The following CERS5 variants were observed in gnomAD, a reference collection of about 807,000 sequenced individuals.
CERS5 encodes the protein ceramide synthase 5.
A neutral mutation model predicts 58.9 loss-of-function variants in CERS5; 37 were observed. That is an observed-to-expected ratio of 0.63 (90% CI 0.48 to 0.83). CERS5 has a LOEUF of 0.83. CERS5 is among the 40% of genes least tolerant of loss of function. The pLI is 0.00. For missense variants in CERS5, 398 were observed against 489.3 expected, an observed-to-expected ratio of 0.81 and a Z score of 1.76; for synonymous variants, 147 against 177.8, an observed-to-expected ratio of 0.83 and a Z score of 1.38.
intron 1 of CERS5, among the ~76,000 whole-genome samples, chr12:50,145,631 C>T (rs1427084071): frequency 6.6e-6 from 1 of 151,962 alleles, no homozygotes; most frequent in Non-Finnish European, 1.5e-5. Context: ...ATAAATTTAG[C>T]CACATCTGTA....
Position 50,144,067 on chromosome 12 carries a change from A to T in CERS5, c.198-10T>A. Reference sequence around the variant, plus strand: ...GGGTTTGGCAATAAATCTGTAATGGAGAAAACCCACGGGCCAATTCTTTTT... The same window carrying T: ...GGGTTTGGCAATAAATCTGTAATGGTGAAAACCCACGGGCCAATTCTTTTT... On this transcript the variant is annotated splice_polypyrimidine_tract_variant and intron_variant, in intron 1 of 9. Coordinates refer to ENST00000317551, the MANE Select transcript of CERS5 (RefSeq NM_147190.5). 1 of 1,532,912 alleles carries T rather than the reference A, an allele frequency of 6.5e-7. No individual in the cohort carries two copies. Among genetic ancestry groups the T allele is most frequent in the East Asian group, 2.3e-5 (1 of 44,404 alleles). 95.0% of individuals were successfully genotyped at this position (1,532,912 alleles called of 1,614,324 possible).
chr12:50,138,315 T>TG (rs1565774541), intron 5 of CERS5, among the ~76,000 whole-genome samples: 1 of 151,340 alleles, frequency 6.6e-6, no homozygotes, highest in Non-Finnish European at 1.5e-5. Context: ...GGGAATTAAA[T>TG]GGGGAAAATC....
rs754705259 is a variant in CERS5 at position 50,142,103 on chromosome 12, A to C, written c.442T>G (p.Phe148Val). ...CAGAATATACATAAATAAAATGTGAATCTCCACCTGGGTGGGCAAAGAGTA... is the reference window on the plus strand; with the variant it reads ...CAGAATATACATAAATAAAATGTGACTCTCCACCTGGGTGGGCAAAGAGTA... ...LTKFCESMWR[F>V]TFYLCIFCYG... Residue 148 changes from phenylalanine to valine, a missense_variant, in exon 4 of 10, where the codon TTC (phenylalanine) becomes GTC (valine). Phe to Val is a conservative substitution (Grantham distance 50). This residue lies in a region of CERS5 where 328 missense variants were observed against 384.5 expected (regional missense o/e 0.85). Coordinates refer to ENST00000317551, the MANE Select transcript of CERS5 (RefSeq NM_147190.5). 6.9e-6 allele frequency: 11 copies of C among 1,603,868 alleles called. No homozygotes were observed. The highest frequency in any genetic ancestry group is 1.1e-5 in the South Asian group (1 of 90,440).
At chr12:50,156,885 T>TC (rs934466196) in intron 1 of CERS5, among the ~76,000 whole-genome samples, 5 of 152,178 alleles carry the variant, frequency 3.3e-5, no homozygotes, top group African/African-American at 1.2e-4. Flanking sequence ...GCCACTGAAT[T>TC]CCAGCCTGGG....
intron 4 of CERS5, among the ~76,000 whole-genome samples, chr12:50,139,717 C>G (rs538209121): frequency 3.3e-5 from 5 of 151,906 alleles, no homozygotes; most frequent in Non-Finnish European, 7.4e-5. Flanking sequence ...CACTTGAACC[C>G]AGGAGGCAGA....
At chr12:50,165,683 A>G (rs945031008) in intron 1 of CERS5, 10 of 211,586 alleles carry the variant, frequency 4.7e-5, no homozygotes, top group Non-Finnish European at 9.7e-5. Context: ...GCAATCCCAA[A>G]CAGATGCTAT....
chr12:50,154,816 C>T (rs1292410667), intron 1 of CERS5, among the ~76,000 whole-genome samples: 1 of 152,026 alleles, frequency 6.6e-6, no homozygotes, highest in Non-Finnish European at 1.5e-5. Flanking sequence ...AAGTGTGAAC[C>T]CCTGCACCTG....
chr12:50,138,559 G>C lies in CERS5; in HGVS notation c.543+8C>G, dbSNP rs1951809665. ...AAGACCCCTATCCTGAAACGACTCAGATCCTACCTGAAATGGATAGTTATG... is the reference window on the plus strand; with the variant it reads ...AAGACCCCTATCCTGAAACGACTCACATCCTACCTGAAATGGATAGTTATG... On this transcript the variant is annotated splice_region_variant and intron_variant, in intron 5 of 9. Coordinates refer to ENST00000317551, the MANE Select transcript of CERS5 (RefSeq NM_147190.5). The C allele has an allele frequency of 1.2e-6, 2 of 1,613,072 alleles. No individual in the cohort carries two copies. The highest frequency in any genetic ancestry group is 2.2e-5 in the East Asian group (1 of 44,878).
intron 1 of CERS5, among the ~76,000 whole-genome samples, chr12:50,150,386 A>T (rs936676430): frequency 4.6e-5 from 7 of 152,144 alleles, no homozygotes; most frequent in Non-Finnish European, 8.8e-5. Flanking sequence ...TGAAATAAAA[A>T]AAAGTTTGGG....
chr12:50,142,025 C>A (rs763296862), intron 4 of CERS5, 28 bp downstream of exon 4: 41 of 1,386,098 alleles, frequency 3.0e-5, no homozygotes, highest in Non-Finnish European at 3.9e-5. Context: ...TAGAACCCAA[C>A]AGAGGACTAG....
At chr12:50,156,025 G>C (rs1174234481) in intron 1 of CERS5, among the ~76,000 whole-genome samples, 1 of 149,322 alleles carries the variant, frequency 6.7e-6, no homozygotes, top group Non-Finnish European at 1.5e-5. Context: ...GCTTAAACCT[G>C]GGAAGCAGAG....
In CERS5 at chr12:50,138,593, G is replaced by A. The variant is rs775661286; in HGVS notation, c.517C>T (p.Gln173Ter). 4 of 1,613,604 alleles carry A rather than the reference G, an allele frequency of 2.5e-6. No homozygotes were observed. The African/African-American group carries it at 4.0e-5, about 16-fold the overall frequency. The part of the protein sequence containing the change: ...WSSPWFWDIR[Q>*]CWHNYPFQPL... The stretch of plus-strand genomic sequence containing the variant: ...TGAAATGGATAGTTATGCCAGCACT[G>A]TCGGATGTCCCAGAACCAAGGTGAC... The change falls in exon 5 of 10, where the codon CAG (glutamine) becomes TAG (stop). Residue 173 changes from glutamine to a stop codon, truncating the protein, a stop_gained. Transcript: ENST00000317551. LOFTEE classifies it high-confidence loss of function.
chr12:50,137,827 G>C lies in CERS5; in HGVS notation c.544-7C>G. The C allele has an allele frequency of 6.3e-7, 1 of 1,575,714 alleles. No individual in the cohort carries two copies. Among genetic ancestry groups the C allele is most frequent in the Non-Finnish European group, 8.7e-7 (1 of 1,146,578 alleles). ...AAAGCCCACTTGAAAGAGGCTGGAAGAGAGAAAGAAGTAGTTAGATTACCG... is the reference window on the plus strand; with the variant it reads ...AAAGCCCACTTGAAAGAGGCTGGAACAGAGAAAGAAGTAGTTAGATTACCG... On this transcript the variant is annotated splice_region_variant and splice_polypyrimidine_tract_variant and intron_variant, in intron 5 of 9. Transcript: ENST00000317551.
intron 4 of CERS5, among the ~76,000 whole-genome samples, 161 bp downstream of exon 4, chr12:50,141,892 A>G (rs1000181253): frequency 6.9e-6 from 1 of 144,000 alleles, no homozygotes; most frequent in African/African-American, 2.6e-5. Context: ...GTGAGCTGAG[A>G]TTCCACAACT....
Position 50,143,138 on chromosome 12 carries a change from A to G in CERS5, c.370T>C (p.Cys124Arg), listed in dbSNP as rs1381146753. Residue 124 changes from cysteine to arginine, a missense_variant, in exon 3 of 10, where the codon TGC becomes CGC. Cys to Arg is a radical substitution (Grantham distance 180). Around this residue, in one of 3 missense-constraint regions of CERS5, gnomAD observed 328 missense variants for 384.5 expected, o/e 0.85. Coordinates refer to ENST00000317551, the MANE Select transcript of CERS5 (RefSeq NM_147190.5). ...QLDWNVRKIQ[C>R]WFRHRRNQDK... ...TGATTCCTCCGATGGCGAAACCAGCATTGGATTTTTCGGACATTCCAATCC... is the reference window on the plus strand; with the variant it reads ...TGATTCCTCCGATGGCGAAACCAGCGTTGGATTTTTCGGACATTCCAATCC... 1 of 1,614,124 alleles carries G rather than the reference A, an allele frequency of 6.2e-7. No individual in the cohort carries two copies. Among genetic ancestry groups the G allele is most frequent in the Non-Finnish European group, 8.5e-7 (1 of 1,180,006 alleles).
At chr12:50,148,946 ATGTGTGTG>A (rs1185465965) in intron 1 of CERS5, among the ~76,000 whole-genome samples, 3 of 103,134 alleles carry the variant, frequency 2.9e-5, no homozygotes, top group African/African-American at 8.1e-5. Context: ...ATATATATAT[ATGTGTGTG>A]TGTGTGTGTG....
chr12:50,166,161 A>G, intron 1 of CERS5: 1 of 233,072 alleles, frequency 4.3e-6, no homozygotes, highest in South Asian at 4.0e-5. Context: ...CGTCTCTACT[A>G]AAAATACAAA....
At chr12:50,150,253 G>A (rs1434274223) in intron 1 of CERS5, among the ~76,000 whole-genome samples, 1 of 152,162 alleles carries the variant, frequency 6.6e-6, no homozygotes, top group Non-Finnish European at 1.5e-5. Flanking sequence ...CCCAGCTACT[G>A]CGGAGGCTGA....
intron 4 of CERS5, among the ~76,000 whole-genome samples, chr12:50,138,911 T>G (rs1202996957): frequency 6.6e-6 from 1 of 152,228 alleles, no homozygotes; most frequent in Non-Finnish European, 1.5e-5. Flanking sequence ...ATTCATTTGA[T>G]AACCAAGAAA....
Sources: gnomAD v4.1 joint callset for allele counts (sites outside exome capture counted in the v4.1 genomes callset) on GRCh38, gnomAD v4.1.1 for gene constraint, gnomAD v4.1.1 regional missense constraint, MANE v1.5 for transcripts, NCBI Gene and HGNC (gene_info 2026-07-23, HGNC 2026-07-21) for gene names.